The following HPSE2 variants were observed in gnomAD, a reference collection of about 807,000 sequenced individuals.
HPSE2 encodes inactive heparanase-2.
HPSE2 carries 38 observed loss-of-function variants against 60.5 expected under a neutral mutation model. The ratio of observed to expected loss-of-function variants is 0.63; its 90% confidence interval spans 0.48 to 0.82. The LOEUF (loss-of-function observed/expected upper bound fraction) is 0.82, where lower values mean the gene tolerates loss of function less well. Ranked by LOEUF, HPSE2 falls within the 40% of genes least tolerant of loss-of-function variation. HPSE2 has a pLI of 0.00. For synonymous variants in HPSE2, 295 were observed against 293.2 expected (o/e 1.01, Z -0.06); for missense variants, 713 against 740.4 (o/e 0.96, Z 0.43).
rs1329968700 is a variant in HPSE2 at position 98,723,235 on chromosome 10, T to G, written c.785-1407A>C. On this transcript the variant is annotated intron_variant, in intron 4 of 11. Coordinates refer to ENST00000370552, the MANE Select transcript of HPSE2 (RefSeq NM_021828.5). ...TATTGAGATAATCATGTGGTTTTTG[T>G]CTTTGGTTCTGTTTATATGCTGGAT... Among the ~76,000 whole-genome samples the G allele has an allele frequency of 3.9e-5, 6 of 152,340 alleles. No individual in the cohort carries two copies. In the East Asian group the frequency reaches 1.2e-3, roughly 29 times the overall value.
At chr10:98,866,411 G>A (rs1201377079) in intron 3 of HPSE2, among the ~76,000 whole-genome samples, 2 of 152,054 alleles carry the variant, frequency 1.3e-5, no homozygotes, top group Non-Finnish European at 2.9e-5. Flanking sequence ...GATAATTGGT[G>A]TCTTAGAACA....
At chr10:99,086,501 C>G (rs899170475) in intron 3 of HPSE2, among the ~76,000 whole-genome samples, 1 of 150,186 alleles carries the variant, frequency 6.7e-6, no homozygotes, top group South Asian at 2.1e-4. Context: ...TACAGGCGCC[C>G]GCCACTACGC....
At chr10:99,256,771 T>C in the HPSE2 span, among the ~76,000 whole-genome samples, 1 of 152,190 alleles carries the variant, frequency 6.6e-6, no homozygotes, top group Admixed American at 6.5e-5. Context: ...TTGTAGGTTA[T>C]GGCTGGGCTT....
At chr10:99,270,795 G>C in the HPSE2 span, among the ~76,000 whole-genome samples, 1 of 152,136 alleles carries the variant, frequency 6.6e-6, no homozygotes, top group African/African-American at 2.4e-5. Context: ...CCATGACCAA[G>C]GGGGTTTCAT....
At chr10:98,773,018 C>G (rs1350830285) in intron 3 of HPSE2, among the ~76,000 whole-genome samples, 1 of 152,080 alleles carries the variant, frequency 6.6e-6, no homozygotes, top group Non-Finnish European at 1.5e-5. Context: ...CTTTTGGAGG[C>G]CTTTAACTTC....
chr10:99,217,581 T>A (rs1053066391), intron 2 of HPSE2, among the ~76,000 whole-genome samples: 4 of 151,652 alleles, frequency 2.6e-5, no homozygotes, highest in African/African-American at 9.7e-5. Context: ...AGTTTTTTTG[T>A]TGTTGTTGTT....
intron 11 of HPSE2, among the ~76,000 whole-genome samples, chr10:98,462,801 G>A (rs543408914): frequency 6.6e-6 from 1 of 152,040 alleles, no homozygotes; most frequent in Admixed American, 6.5e-5. Context: ...CCTTGACTTC[G>A]GTCACTATCC....
At chr10:98,485,511 G>A (rs1032864098) in intron 10 of HPSE2, among the ~76,000 whole-genome samples, 1 of 152,150 alleles carries the variant, frequency 6.6e-6, no homozygotes, top group Non-Finnish European at 1.5e-5. Flanking sequence ...AAATGAGTTA[G>A]GTCAGAAGAG....
intron 3 of HPSE2, among the ~76,000 whole-genome samples, chr10:98,831,876 A>G (rs988494681): frequency 6.6e-6 from 1 of 152,222 alleles, no homozygotes; most frequent in Non-Finnish European, 1.5e-5. Flanking sequence ...AAATAAATAA[A>G]TAAATAGACT....
chr10:98,715,934 CTG>C (rs1948779080), intron 5 of HPSE2, among the ~76,000 whole-genome samples: 1 of 152,038 alleles, frequency 6.6e-6, no homozygotes, highest in Non-Finnish European at 1.5e-5. Flanking sequence ...GAAGACTTCT[CTG>C]TAGCATTCAA....
At chr10:99,219,994 C>T (rs1849254936) in intron 2 of HPSE2, among the ~76,000 whole-genome samples, 1 of 152,138 alleles carries the variant, frequency 6.6e-6, no homozygotes, top group African/African-American at 2.4e-5. Context: ...TTACAAATGA[C>T]ACAGTGATAT....
At chr10:98,625,627 G>A (rs1946186615) in intron 7 of HPSE2, among the ~76,000 whole-genome samples, 1 of 152,062 alleles carries the variant, frequency 6.6e-6, no homozygotes, top group African/African-American at 2.4e-5. Flanking sequence ...CCTTGGAAAC[G>A]GCAACTTTAA....
At chr10:98,528,478 C>T (rs761411454) in intron 9 of HPSE2, among the ~76,000 whole-genome samples, 1 of 152,084 alleles carries the variant, frequency 6.6e-6, no homozygotes, top group Non-Finnish European at 1.5e-5. Context: ...AGCAGGAGAG[C>T]AAAGAGGATG....
At chr10:99,224,737 A>T (rs1355870437) in intron 2 of HPSE2, among the ~76,000 whole-genome samples, 2 of 152,144 alleles carry the variant, frequency 1.3e-5, no homozygotes, top group East Asian at 3.8e-4. Flanking sequence ...CAGATGAAAT[A>T]ATAATTTGGT....
intron 6 of HPSE2, among the ~76,000 whole-genome samples, chr10:98,659,901 C>A (rs1243241798): frequency 6.6e-6 from 1 of 152,154 alleles, no homozygotes; most frequent in African/African-American, 2.4e-5. Context: ...ATAATAGATG[C>A]CAAGAGTATT....
chr10:99,198,425 C>G (rs1848471739), intron 2 of HPSE2, among the ~76,000 whole-genome samples: 1 of 152,136 alleles, frequency 6.6e-6, no homozygotes, highest in Admixed American at 6.6e-5. Context: ...AAATCAAAAG[C>G]AGTAACTACT....
intron 3 of HPSE2, among the ~76,000 whole-genome samples, chr10:98,945,345 A>C (rs1341497707): frequency 6.6e-6 from 1 of 152,120 alleles, no homozygotes; most frequent in Non-Finnish European, 1.5e-5. Flanking sequence ...TATTTCCAGA[A>C]TTCACTCCTT....
rs568412547 is a variant in HPSE2 at position 98,683,604 on chromosome 10, A to G, written c.1004+10296T>C. 4.6e-5 allele frequency among the ~76,000 whole-genome samples: 7 copies of G among 152,124 alleles called. No homozygotes were observed. The East Asian group carries it at 1.4e-3, about 29-fold the overall frequency. ...ATGATAGCAACATGTAAGTTTCAAC[A>G]GAAAATTTAGATGATTAAGGAGGTT... On this transcript the variant is annotated intron_variant, in intron 6 of 11. Coordinates refer to ENST00000370552, the MANE Select transcript of HPSE2 (RefSeq NM_021828.5).
chr10:98,513,962 A>G (rs1317385447), intron 9 of HPSE2, among the ~76,000 whole-genome samples: 1 of 152,214 alleles, frequency 6.6e-6, no homozygotes, highest in African/African-American at 2.4e-5. Flanking sequence ...GGATGTTCAC[A>G]GCAGCATTAT....
Sources: allele counts gnomAD v4.1 joint callset (sites outside exome capture counted in the v4.1 genomes callset), GRCh38; gene constraint gnomAD v4.1.1; transcripts MANE v1.5; gene names NCBI Gene and HGNC (gene_info 2026-07-23, HGNC 2026-07-21).